Variants in ROCK2 observed in about 807,000 individuals in gnomAD.
ROCK2 encodes Rho associated coiled-coil containing protein kinase 2, also known as rho-associated protein kinase 2.
ROCK2 carries 61 observed loss-of-function variants against 195.1 expected under a neutral mutation model. The observed-to-expected ratio is 0.31, with a 90% CI of 0.25 to 0.39. ROCK2 has a LOEUF of 0.39. Ranked by LOEUF, ROCK2 falls within the 10% of genes least tolerant of loss-of-function variation. ROCK2 has a pLI of 1.00. For synonymous variants in ROCK2, 504 were observed against 545.5 expected (o/e 0.92, Z 1.06); for missense variants, 1,109 against 1,637.4 (o/e 0.68, Z 5.57).
chr2:11,303,167 T>C (rs1667758176), intron 1 of ROCK2, among the ~76,000 whole-genome samples: 1 of 152,252 alleles, frequency 6.6e-6, no homozygotes, highest in South Asian at 2.1e-4. Flanking sequence ...AACTTATTTC[T>C]GTGAAATCTT....
At chr2:11,287,111 G>C (rs1208400373) in intron 2 of ROCK2, among the ~76,000 whole-genome samples, 1 of 152,114 alleles carries the variant, frequency 6.6e-6, no homozygotes, top group Non-Finnish European at 1.5e-5. Flanking sequence ...CTCAGTCTCT[G>C]CCAATTTCAA....
At position 11,201,437 on chromosome 2, in the gene ROCK2, A is replaced by G. The variant is rs73917504; in HGVS notation, c.2620-24T>C. 21,023 of 1,180,790 alleles carry G rather than the reference A, an allele frequency of 0.018. 320 individuals are homozygous for G. Among genetic ancestry groups the G allele is most frequent in the East Asian group, 0.061 (2,618 of 42,826 alleles). The allele number at this position is 1,180,790 out of a possible 1,614,324, so 73.1% of individuals were successfully genotyped here. A position where few individuals can be genotyped will look rare whatever the true frequency, so the allele number is the denominator to read the frequency against. On this transcript the variant is annotated intron_variant, in intron 21 of 32. Coordinates refer to ENST00000315872, the MANE Select transcript of ROCK2 (RefSeq NM_004850.5). The surrounding 1 kb of genome is among the most constrained non-coding windows in gnomAD (Gnocchi z 4.6). Reference sequence around the variant, plus strand: ...GTCTAAATAGCAAAATACAACAGAAATGCGTATCATCATCAGAAATATTAC... The same window carrying G: ...GTCTAAATAGCAAAATACAACAGAAGTGCGTATCATCATCAGAAATATTAC...
chr2:11,184,707 TCAC>T (rs1458117764), intron 32 of ROCK2: 19 of 982,896 alleles, frequency 1.9e-5, no homozygotes, highest in South Asian at 4.7e-5. Flanking sequence ...GTCATCATCA[TCAC>T]CACCACCATC....
chr2:11,255,878 C>T (rs1666013175), intron 3 of ROCK2, among the ~76,000 whole-genome samples: 1 of 135,510 alleles, frequency 7.4e-6, no homozygotes, highest in Admixed American at 7.7e-5. Context: ...CGAGATGGTG[C>T]CACTGCACTC....
At chr2:11,240,761 A>C (rs1167331738) in intron 4 of ROCK2, among the ~76,000 whole-genome samples, 1 of 152,270 alleles carries the variant, frequency 6.6e-6, no homozygotes, top group Non-Finnish European at 1.5e-5. Flanking sequence ...ATTTTATGCT[A>C]TGCAAATTAT....
chr2:11,308,056 G>A (rs1466428443), intron 1 of ROCK2: 50 of 1,601,862 alleles, frequency 3.1e-5, no homozygotes, highest in East Asian at 9.0e-5. Flanking sequence ...CTGCTGCAGC[G>A]CTGGGGCGCC....
At chr2:11,210,492 G>A (rs1213152576) in intron 18 of ROCK2, among the ~76,000 whole-genome samples, 1 of 151,694 alleles carries the variant, frequency 6.6e-6, no homozygotes, top group Non-Finnish European at 1.5e-5. Flanking sequence ...AGGCGCACGC[G>A]ACTACATCCA....
At chr2:11,273,499 T>C (rs1261574635) in intron 3 of ROCK2, among the ~76,000 whole-genome samples, 7 of 152,062 alleles carry the variant, frequency 4.6e-5, no homozygotes, top group Admixed American at 1.3e-4. Flanking sequence ...CATCAAAATA[T>C]ATGATGCAAA....
chr2:11,242,718 T>C (rs1289048117), intron 4 of ROCK2, among the ~76,000 whole-genome samples: 1 of 152,160 alleles, frequency 6.6e-6, no homozygotes, highest in Non-Finnish European at 1.5e-5. Flanking sequence ...CTCCTTACAA[T>C]ACTAAACTCC....
intron 7 of ROCK2, 121 bp downstream of exon 7, chr2:11,224,201 T>G: frequency 1.1e-6 from 1 of 934,720 alleles, no homozygotes; most frequent in Non-Finnish European, 1.6e-6. Flanking sequence ...TAACCCAGAA[T>G]TAGATGCTAC....
At chr2:11,257,208 A>G (rs763244291) in intron 3 of ROCK2, among the ~76,000 whole-genome samples, 18 of 151,602 alleles carry the variant, frequency 1.2e-4, no homozygotes, top group Middle Eastern at 3.4e-3. Context: ...CGAGAGCCTC[A>G]TGGCGGAGGA....
At chr2:11,227,995 T>C (rs1427239701) in intron 5 of ROCK2, among the ~76,000 whole-genome samples, 4 of 152,324 alleles carry the variant, frequency 2.6e-5, no homozygotes, top group Admixed American at 6.5e-5. Context: ...ATATTTGGCA[T>C]GATGATTTTT....
rs1286862209 is a variant in ROCK2 at position 11,180,365 on chromosome 2, A to G, written c.*3072T>C. 1 of 152,242 alleles carries G rather than the reference A, an allele frequency of 6.6e-6. No individual in the cohort carries two copies. The highest frequency in any genetic ancestry group is 1.5e-5 in the Non-Finnish European group (1 of 68,046). The allele number at this position is 152,242 out of a possible 1,614,324, so 9.4% of individuals were successfully genotyped here. On this transcript the variant is annotated 3_prime_UTR_variant, in exon 33 of 33. Transcript: ENST00000315872. ...AGATACTTTAGAGCCAGATTCATGT[A>G]ACTCTAACACAGGTTAGTTTTAAAG...
chr2:11,317,617 T>A (rs1447421904), intron 1 of ROCK2, among the ~76,000 whole-genome samples: 137 of 48,934 alleles, frequency 2.8e-3, no homozygotes, highest in African/African-American at 6.3e-3. Flanking sequence ...TATATATTTT[T>A]TTTTTTTTTT....
chr2:11,333,027 C>A (rs1266424757), intron 1 of ROCK2, among the ~76,000 whole-genome samples: 3 of 151,794 alleles, frequency 2.0e-5, no homozygotes. Context: ...GGATTGACTG[C>A]AAATAAGATC....
At chr2:11,258,681 T>C (rs1049165920) in intron 3 of ROCK2, among the ~76,000 whole-genome samples, 2 of 151,180 alleles carry the variant, frequency 1.3e-5, no homozygotes, top group Non-Finnish European at 2.9e-5. Flanking sequence ...ATACTACAGA[T>C]TTTGTTGAGC....
At chr2:11,194,175 CTA>C in intron 29 of ROCK2, 79 bp downstream of exon 29, 3 of 566,628 alleles carry the variant, frequency 5.3e-6, no homozygotes, top group Non-Finnish European at 9.1e-6. Flanking sequence ...AGGAGCTATA[CTA>C]TGAGACTAAT....
chr2:11,216,813 C>T (rs1306067830), intron 12 of ROCK2, among the ~76,000 whole-genome samples: 1 of 152,166 alleles, frequency 6.6e-6, no homozygotes, highest in African/African-American at 2.4e-5. Context: ...CAACCTCTGC[C>T]TCCCAGGTTC....
Position 11,293,676 on chromosome 2 carries a change from T to C in ROCK2, c.142-5940A>G, listed in dbSNP as rs140280294. 9.2e-5 allele frequency among the ~76,000 whole-genome samples: 14 copies of C among 152,284 alleles called. No individual in the cohort carries two copies. The East Asian group carries it at 2.7e-3, about 29-fold the overall frequency. ...AATTTTGAGTTTGATATTCTGTTCATAGTGAGTCTTTGCATTAATTTTTAA... is the reference window on the plus strand; with the variant it reads ...AATTTTGAGTTTGATATTCTGTTCACAGTGAGTCTTTGCATTAATTTTTAA... On this transcript the variant is annotated intron_variant, in intron 1 of 32. Transcript: ENST00000315872.
Sources: gnomAD v4.1 joint callset for allele counts (sites outside exome capture counted in the v4.1 genomes callset) on GRCh38, gnomAD v4.1.1 for gene constraint, Gnocchi (gnomAD v3.1) non-coding constraint, MANE v1.5 for transcripts, NCBI Gene and HGNC (gene_info 2026-07-23, HGNC 2026-07-21) for gene names.